Variants in GRM7 observed in about 807,000 individuals in gnomAD.
GRM7 encodes metabotropic glutamate receptor 7.
In GRM7, 35 loss-of-function variants were observed where a neutral mutation model predicts 84.5. That is an observed-to-expected ratio of 0.41 (90% CI 0.32 to 0.55). The LOEUF is 0.55. GRM7 is among the 20% of genes least tolerant of loss of function. The probability of loss-of-function intolerance (pLI) is 0.19; values close to 1 mark genes in which losing one functional copy is unlikely to be tolerated. For synonymous variants in GRM7, 487 were observed against 455.1 expected, an observed-to-expected ratio of 1.07 and a Z score of -0.89; for missense variants, 1,003 against 1,194.6, an observed-to-expected ratio of 0.84 and a Z score of 2.36.
intron 8 of GRM7, among the ~76,000 whole-genome samples, chr3:7,593,483 A>C (rs1380337468): frequency 6.6e-6 from 1 of 152,222 alleles, no homozygotes; most frequent in Non-Finnish European, 1.5e-5. Flanking sequence ...AGAAAATGAC[A>C]AGAAGACATA....
At chr3:7,700,000 C>A (rs924924889) in intron 9 of GRM7, among the ~76,000 whole-genome samples, 1 of 152,132 alleles carries the variant, frequency 6.6e-6, no homozygotes, top group Non-Finnish European at 1.5e-5. Flanking sequence ...TATTTCAAGA[C>A]TGGGTGAGAT....
intron 2 of GRM7, among the ~76,000 whole-genome samples, chr3:7,252,244 A>G (rs541898577): frequency 6.5e-4 from 99 of 152,250 alleles, no homozygotes; most frequent in Middle Eastern, 3.4e-3. Context: ...AGGTGGTTGG[A>G]AAATGCTCTG....
intron 2 of GRM7, among the ~76,000 whole-genome samples, chr3:7,238,997 C>CTTTTTTTTTT (rs1559520012): frequency 1.5e-5 from 2 of 137,600 alleles, no homozygotes; most frequent in African/African-American, 5.3e-5. Context: ...TTCTTTTTTC[C>CTTTTTTTTTT]TTTTTCTTTT....
chr3:7,026,220 C>A (rs1321145708), intron 1 of GRM7, among the ~76,000 whole-genome samples: 1 of 152,186 alleles, frequency 6.6e-6, no homozygotes, highest in Non-Finnish European at 1.5e-5. Context: ...GCACCTTAGG[C>A]AGCAGCTGAG....
chr3:7,606,110 G>A (rs924722482), intron 8 of GRM7, among the ~76,000 whole-genome samples: 1 of 152,036 alleles, frequency 6.6e-6, no homozygotes, highest in Admixed American at 6.6e-5. Flanking sequence ...CTTCCCCTAA[G>A]GAATATAATT....
At position 6,978,909 on chromosome 3, in the gene GRM7, G is replaced by A. The variant is rs529503514; in HGVS notation, c.519+117002G>A. Among the ~76,000 whole-genome samples the A allele has an allele frequency of 3.9e-5, 6 of 152,252 alleles. No individual in the cohort carries two copies. The South Asian group carries it at 1.2e-3, about 32-fold the overall frequency. On this transcript the variant is annotated intron_variant, in intron 1 of 9. Transcript: ENST00000357716. ...TTTAAAATAAAGGAGTCCCTAGAGA[G>A]AAGAGGTATGGACATTCATAAAGTT...
chr3:7,116,475 G>A (rs1038162442), intron 1 of GRM7, among the ~76,000 whole-genome samples: 2 of 152,098 alleles, frequency 1.3e-5, no homozygotes, highest in Non-Finnish European at 2.9e-5. Context: ...CAAGTGTTTT[G>A]CCTCTGGGGC....
intron 1 of GRM7, among the ~76,000 whole-genome samples, chr3:7,061,757 A>G (rs928137376): frequency 6.6e-6 from 1 of 151,698 alleles, no homozygotes; most frequent in African/African-American, 2.4e-5. Context: ...AACCTCATGT[A>G]ATAACCTGCA....
intron 2 of GRM7, among the ~76,000 whole-genome samples, chr3:7,161,586 A>C (rs1054236539): frequency 6.6e-6 from 1 of 152,216 alleles, no homozygotes; most frequent in Non-Finnish European, 1.5e-5. Flanking sequence ...TACCCATCAT[A>C]GATTAAATCT....
chr3:7,637,093 T>A (rs1698132512), intron 8 of GRM7, among the ~76,000 whole-genome samples: 1 of 152,170 alleles, frequency 6.6e-6, no homozygotes, highest in Non-Finnish European at 1.5e-5. Flanking sequence ...CATGGGGAGA[T>A]GTTGCAATTA....
chr3:6,934,302 T>G (rs1310665038), intron 1 of GRM7, among the ~76,000 whole-genome samples: 1 of 152,170 alleles, frequency 6.6e-6, no homozygotes, highest in African/African-American at 2.4e-5. Flanking sequence ...TCTATTTATT[T>G]TTTTCATTCA....
Position 7,579,188 on chromosome 3 carries a change from G to T in GRM7, c.2282G>T (p.Gly761Val), listed in dbSNP as rs773564116. The T allele has an allele frequency of 5.0e-6, 8 of 1,613,876 alleles. No homozygotes were observed. Residue 761 changes from glycine to valine, a missense_variant, in exon 8 of 10, where the codon GGA (glycine) becomes GTA (valine). By Grantham distance (109) the Gly-to-Val change is moderately radical. Coordinates refer to ENST00000357716, the MANE Select transcript of GRM7 (RefSeq NM_000844.4). ...ITDLQIICSL[G>V]YSILLMVTCT... ...GATCTCCAAATCATTTGCTCCTTGGGATATAGCATTCTTCTCATGGTCACA... is the reference window on the plus strand; with the variant it reads ...GATCTCCAAATCATTTGCTCCTTGGTATATAGCATTCTTCTCATGGTCACA...
intron 1 of GRM7, among the ~76,000 whole-genome samples, chr3:7,100,477 C>T (rs1259098492): frequency 6.6e-6 from 1 of 151,744 alleles, no homozygotes; most frequent in Non-Finnish European, 1.5e-5. Context: ...GATAGTTTTT[C>T]ATAGGCAAAA....
intron 2 of GRM7, among the ~76,000 whole-genome samples, chr3:7,247,299 C>G (rs527427329): frequency 9.2e-5 from 14 of 152,102 alleles, no homozygotes; most frequent in Admixed American, 8.5e-4. Flanking sequence ...AGGCTAGACA[C>G]CATAGCTCAT....
At chr3:6,887,551 G>C (rs1444699337) in intron 1 of GRM7, among the ~76,000 whole-genome samples, 1 of 152,154 alleles carries the variant, frequency 6.6e-6, no homozygotes, top group Non-Finnish European at 1.5e-5. Context: ...CCCTACAAAG[G>C]ACATGAACTC....
chr3:7,519,438 T>C (rs1003441526), intron 7 of GRM7, among the ~76,000 whole-genome samples: 1 of 152,014 alleles, frequency 6.6e-6, no homozygotes, highest in African/African-American at 2.4e-5. Context: ...ATCTGGGACA[T>C]AGGCTGTGTC....
intron 7 of GRM7, among the ~76,000 whole-genome samples, chr3:7,464,705 G>C (rs375011584): frequency 1.3e-5 from 2 of 152,000 alleles, no homozygotes; most frequent in East Asian, 1.9e-4. Context: ...GCGGGCGCCT[G>C]TAGTCCCAGC....
At position 7,483,859 on chromosome 3, in the gene GRM7, C is replaced by T. The variant is rs577098459; in HGVS notation, c.1515+22137C>T. Among the ~76,000 whole-genome samples the T allele has an allele frequency of 1.1e-4, 16 of 151,508 alleles. No individual in the cohort carries two copies. In the South Asian group the frequency reaches 1.2e-3, roughly 12 times the overall value. ...TATTATTTAGGAATATTATAAAACA[C>T]GCAAAATGGACATTAAAAATTGTCA... On this transcript the variant is annotated intron_variant, in intron 7 of 9. Transcript: ENST00000357716.
chr3:7,581,426 C>T (rs1013759930), intron 8 of GRM7, among the ~76,000 whole-genome samples: 1 of 152,114 alleles, frequency 6.6e-6, no homozygotes, highest in African/African-American at 2.4e-5. Context: ...CAATTAAAGG[C>T]ACAAAATTGC....
Sources: gnomAD v4.1 joint callset for allele counts (sites outside exome capture counted in the v4.1 genomes callset) on GRCh38, gnomAD v4.1.1 for gene constraint, MANE v1.5 for transcripts, NCBI Gene and HGNC (gene_info 2026-07-23, HGNC 2026-07-21) for gene names.